The following CDKAL1 variants were observed in gnomAD, a reference collection of about 807,000 sequenced individuals.
The protein encoded by CDKAL1 is threonylcarbamoyladenosine tRNA methylthiotransferase.
Under a neutral mutation model 68.2 loss-of-function variants are expected in CDKAL1, and 32 were observed. The observed-to-expected ratio is 0.47, with a 90% CI of 0.35 to 0.63. The LOEUF is 0.63. CDKAL1 is among the 30% of genes least tolerant of loss of function. The pLI is 0.00. For synonymous variants in CDKAL1, 234 were observed against 244.3 expected (o/e 0.96, Z 0.39); for missense variants, 606 against 696.7 (o/e 0.87, Z 1.47).
chr6:20,733,141 C>T (rs1773033370), intron 5 of CDKAL1, among the ~76,000 whole-genome samples: 1 of 152,262 alleles, frequency 6.6e-6, no homozygotes, highest in Non-Finnish European at 1.5e-5. Context: ...CAGGGAAAAC[C>T]ACTTCTCCTG....
At position 20,995,019 on chromosome 6, in the gene CDKAL1, C is replaced by A. The variant is rs893879927; in HGVS notation, c.910-5208C>A. Among the ~76,000 whole-genome samples, 3 of 152,216 alleles carry A rather than the reference C, an allele frequency of 2.0e-5. No homozygotes were observed. The East Asian group carries it at 5.8e-4, about 29-fold the overall frequency. ...GTCATTTCAACAGTCTTCACAGTGTCTTCAACAGGAATACATTCCATCTCG... is the reference window on the plus strand; with the variant it reads ...GTCATTTCAACAGTCTTCACAGTGTATTCAACAGGAATACATTCCATCTCG... On this transcript the variant is annotated intron_variant, in intron 10 of 15. Transcript: ENST00000274695.
chr6:20,609,185 T>A (rs1766463318), intron 4 of CDKAL1, among the ~76,000 whole-genome samples: 1 of 152,116 alleles, frequency 6.6e-6, no homozygotes, highest in African/African-American at 2.4e-5. Flanking sequence ...ATTTTTCGAT[T>A]TCCACCTGGA....
chr6:20,836,669 A>G (rs1039454787), intron 8 of CDKAL1, among the ~76,000 whole-genome samples: 5 of 152,140 alleles, frequency 3.3e-5, no homozygotes, highest in African/African-American at 7.2e-5. Context: ...AAAACAGCAC[A>G]ATTCTTTATA....
chr6:20,826,355 C>T (rs921665617), intron 8 of CDKAL1, among the ~76,000 whole-genome samples: 4 of 152,098 alleles, frequency 2.6e-5, no homozygotes, highest in Non-Finnish European at 5.9e-5. Flanking sequence ...TTTAAAGCAT[C>T]TTTTTAGTTT....
chr6:21,085,910 G>T lies in CDKAL1; in HGVS notation c.1236+20682G>T, dbSNP rs186723751. Among the ~76,000 whole-genome samples, 10 of 152,228 alleles carry T rather than the reference G, an allele frequency of 6.6e-5. No homozygotes were observed. In the East Asian group the frequency reaches 1.7e-3, roughly 26 times the overall value. On this transcript the variant is annotated intron_variant, in intron 12 of 15. Transcript: ENST00000274695. Reference sequence around the variant, plus strand: ...AAAGGCTGCAGGCAGGAATTAAGACGGTAATGAAACAGTGTTGTTATGAAG... The same window carrying T: ...AAAGGCTGCAGGCAGGAATTAAGACTGTAATGAAACAGTGTTGTTATGAAG...
chr6:21,159,978 C>T (rs1439764274), intron 13 of CDKAL1, among the ~76,000 whole-genome samples: 1 of 152,194 alleles, frequency 6.6e-6, no homozygotes, highest in Non-Finnish European at 1.5e-5. Context: ...ATTTTCATAT[C>T]ATGTATTTCC....
At chr6:21,038,402 A>G (rs1769710128) in intron 11 of CDKAL1, among the ~76,000 whole-genome samples, 1 of 152,226 alleles carries the variant, frequency 6.6e-6, no homozygotes, top group Non-Finnish European at 1.5e-5. Context: ...ACTTCTGAGC[A>G]CACAGCAGGG....
At chr6:20,880,868 T>C (rs1263575754) in intron 9 of CDKAL1, among the ~76,000 whole-genome samples, 1 of 152,166 alleles carries the variant, frequency 6.6e-6, no homozygotes, top group African/African-American at 2.4e-5. Flanking sequence ...ACTCAGCAAG[T>C]GAAAGAAAAT....
intron 5 of CDKAL1, among the ~76,000 whole-genome samples, chr6:20,680,329 A>G (rs1770319507): frequency 6.6e-6 from 1 of 152,206 alleles, no homozygotes; most frequent in Non-Finnish European, 1.5e-5. Flanking sequence ...AGCCTCCCAA[A>G]GTCCTGGGAT....
chr6:20,964,606 G>A (rs1411977272), intron 10 of CDKAL1, among the ~76,000 whole-genome samples: 10 of 152,132 alleles, frequency 6.6e-5, no homozygotes, highest in East Asian at 1.9e-4. Context: ...GTGAGAACAC[G>A]TGGACACATG....
At chr6:20,882,759 G>A (rs1760886500) in intron 9 of CDKAL1, among the ~76,000 whole-genome samples, 1 of 152,264 alleles carries the variant, frequency 6.6e-6, no homozygotes. Context: ...TTCACATACG[G>A]ATTCTTATGA....
At chr6:20,830,035 T>C (rs1281669738) in intron 8 of CDKAL1, among the ~76,000 whole-genome samples, 1 of 152,212 alleles carries the variant, frequency 6.6e-6, no homozygotes, top group Non-Finnish European at 1.5e-5. Context: ...TTTGTATTTT[T>C]AGTAGAGACG....
intron 12 of CDKAL1, among the ~76,000 whole-genome samples, chr6:21,090,361 A>T (rs940187999): frequency 1.3e-5 from 2 of 152,216 alleles, no homozygotes; most frequent in African/African-American, 4.8e-5. Context: ...TTAAGAGCCA[A>T]CTGGGCCAAA....
At chr6:20,864,915 ATTCTT>A (rs979582295) in intron 9 of CDKAL1, among the ~76,000 whole-genome samples, 2 of 152,136 alleles carry the variant, frequency 1.3e-5, no homozygotes, top group African/African-American at 2.4e-5. Flanking sequence ...CTTTATTTTT[ATTCTT>A]TTCTTATTTA....
At chr6:20,609,297 TCTC>T (rs200864002) in intron 4 of CDKAL1, among the ~76,000 whole-genome samples, 32 of 136,182 alleles carry the variant, frequency 2.3e-4, no homozygotes, top group African/African-American at 9.1e-4. Context: ...TTCTTCTCCT[TCTC>T]CTCCTCCTCC....
chr6:21,083,694 A>G (rs1772537073), intron 12 of CDKAL1, among the ~76,000 whole-genome samples: 1 of 152,160 alleles, frequency 6.6e-6, no homozygotes, highest in Non-Finnish European at 1.5e-5. Context: ...TTCCCAATAG[A>G]GGAGTCAGTC....
intron 9 of CDKAL1, among the ~76,000 whole-genome samples, chr6:20,939,158 G>A (rs1467800609): frequency 1.3e-5 from 2 of 152,154 alleles, no homozygotes; most frequent in Non-Finnish European, 2.9e-5. Flanking sequence ...CGTTCTATTT[G>A]GGGGTGGGGT....
intron 7 of CDKAL1, among the ~76,000 whole-genome samples, chr6:20,767,399 C>A (rs1193382415): frequency 6.6e-6 from 1 of 151,808 alleles, no homozygotes; most frequent in African/African-American, 2.4e-5. Flanking sequence ...AAATAGAAAC[C>A]AGGTCATGTT....
At chr6:20,996,478 T>C (rs1405248105) in intron 10 of CDKAL1, among the ~76,000 whole-genome samples, 1 of 152,214 alleles carries the variant, frequency 6.6e-6, no homozygotes, top group Non-Finnish European at 1.5e-5. Context: ...TTAATTGGCC[T>C]AATTTCAATA....
Sources: gnomAD v4.1 joint callset for allele counts (sites outside exome capture counted in the v4.1 genomes callset) on GRCh38, gnomAD v4.1.1 for gene constraint, MANE v1.5 for transcripts, NCBI Gene and HGNC (gene_info 2026-07-23, HGNC 2026-07-21) for gene names.